PDE1B: variants seen among roughly 807,000 people sequenced by gnomAD.
PDE1B encodes phosphodiesterase 1B.
A neutral mutation model predicts 66.7 loss-of-function variants in PDE1B; 13 were observed. The observed-to-expected ratio is 0.19, with a 90% CI of 0.13 to 0.31. The LOEUF (loss-of-function observed/expected upper bound fraction) is 0.31. Ranked by LOEUF, PDE1B falls within the 10% of genes least tolerant of loss-of-function variation. The probability of loss-of-function intolerance (pLI) is 1.00; values close to 1 mark genes in which losing one functional copy is unlikely to be tolerated. For missense variants in PDE1B, 485 were observed against 682.3 expected, an observed-to-expected ratio of 0.71 and a Z score of 3.22; for synonymous variants, 230 against 253.9, an observed-to-expected ratio of 0.91 and a Z score of 0.90.
rs139771736 is a variant in PDE1B, at chr12:54,561,935, C to T, written c.114-5039C>T. Among the ~76,000 whole-genome samples, 120 of 152,234 alleles carry T rather than the reference C, an allele frequency of 7.9e-4. 2 individuals carry two copies. The highest frequency in any genetic ancestry group is 2.6e-3 in the African/African-American group (110 of 41,532). On this transcript the variant is annotated intron_variant, in intron 2 of 15. Transcript: ENST00000243052. The stretch of plus-strand genomic sequence containing the variant: ...CTTCCTTTTCTCTCCTTCCTGACTG[C>T]CAACATCCTTAGGACCTCACATTCC...
rs1957569870 is a variant in PDE1B, at chr12:54,569,012, T to C, written c.228-172T>C. ...CCTCACATGGAGACCTGTTTCATTATTGGAGATGTTAGATAAAGAAATAAA... is the reference window on the plus strand; with the variant it reads ...CCTCACATGGAGACCTGTTTCATTACTGGAGATGTTAGATAAAGAAATAAA... On this transcript the variant is annotated intron_variant, in intron 3 of 15. Coordinates refer to ENST00000243052, the MANE Select transcript of PDE1B (RefSeq NM_000924.4). The surrounding 1 kb of genome is among the most constrained non-coding windows in gnomAD (Gnocchi z 4.4). The C allele has an allele frequency of 2.7e-6, 3 of 1,110,592 alleles. No homozygotes were observed. The highest frequency in any genetic ancestry group is 2.2e-5 in the South Asian group (1 of 45,360). 68.8% of individuals were successfully genotyped at this position (1,110,592 alleles called of 1,614,324 possible).
chr12:54,562,984 A>G (rs944554266), intron 2 of PDE1B, among the ~76,000 whole-genome samples: 2 of 152,136 alleles, frequency 1.3e-5, no homozygotes, highest in Admixed American at 1.3e-4. Flanking sequence ...TCAACCTACA[A>G]CCTTACTCTT....
chr12:54,561,684 G>A, intron 2 of PDE1B: 2 of 1,360,436 alleles, frequency 1.5e-6, no homozygotes, highest in Middle Eastern at 1.8e-4. Context: ...GGAAAGGACA[G>A]GTTGCTCATG....
chr12:54,554,978 C>G lies in PDE1B; in HGVS notation c.113+4993C>G, dbSNP rs551120399. On this transcript the variant is annotated intron_variant, in intron 2 of 15. Coordinates refer to ENST00000243052, the MANE Select transcript of PDE1B (RefSeq NM_000924.4). ...TTCAAGAGGTAGGAATATGAATTACCTAATAGGTTTGAGCCGTGATTGAAG... is the reference window on the plus strand; with the variant it reads ...TTCAAGAGGTAGGAATATGAATTACGTAATAGGTTTGAGCCGTGATTGAAG... Among the ~76,000 whole-genome samples, 11 of 152,120 alleles carry G rather than the reference C, an allele frequency of 7.2e-5. No individual in the cohort carries two copies. The South Asian group carries it at 2.3e-3, about 32-fold the overall frequency.
chr12:54,571,212 T>C (rs1263321534), intron 6 of PDE1B: 1 of 152,170 alleles, frequency 6.6e-6, no homozygotes, highest in East Asian at 1.9e-4. Context: ...TAGAACAAAT[T>C]ATCTGTGCAT....
Position 54,573,563 on chromosome 12 carries a change from G to GC in PDE1B, c.963-44dup, listed in dbSNP as rs1450231211. The stretch of plus-strand genomic sequence containing the variant: ...TTCCACTTCCTGGACCTCCTGCCCA[G>GC]CAGCGCTGAGGGGACTGATTGCTTC... On this transcript the variant is annotated intron_variant, in intron 9 of 15. Transcript: ENST00000243052. The surrounding 1 kb of genome is among the most constrained non-coding windows in gnomAD (Gnocchi z 5.2). 6.2e-7 allele frequency: 1 copy of GC among 1,610,402 alleles called. No individual in the cohort carries two copies. Among genetic ancestry groups the GC allele is most frequent in the African/African-American group, 1.3e-5 (1 of 74,840 alleles).
chr12:54,574,852 G>T (rs983797623), intron 10 of PDE1B: 1 of 320,844 alleles, frequency 3.1e-6, no homozygotes. Flanking sequence ...ATGCACGCCT[G>T]TAGTCCCAGC....
At chr12:54,553,753 T>A (rs1296268893) in intron 2 of PDE1B, among the ~76,000 whole-genome samples, 1 of 151,572 alleles carries the variant, frequency 6.6e-6, no homozygotes, top group African/African-American at 2.4e-5. Flanking sequence ...TTTGAGAGGG[T>A]GATGCTTAAA....
In PDE1B at chr12:54,575,655, A is replaced by AG; in HGVS notation, c.1267+27dup. 1 of 1,518,666 alleles carries AG rather than the reference A, an allele frequency of 6.6e-7. No individual in the cohort carries two copies. The highest frequency in any genetic ancestry group is 9.1e-7 in the Non-Finnish European group (1 of 1,096,158). 94.1% of individuals were successfully genotyped at this position (1,518,666 alleles called of 1,614,324 possible). A position where few individuals can be genotyped will look rare whatever the true frequency, so the allele number is the denominator to read the frequency against. ...TAGGTGAGTGTCCTCTCCTGCAGGA[A>AG]GGGGAGGACTGGGAGGGGGAAAAGA... On this transcript the variant is annotated intron_variant, in intron 12 of 15. Transcript: ENST00000243052. The surrounding 1 kb of genome is among the most constrained non-coding windows in gnomAD (Gnocchi z 4.0).
rs760863278 is a variant in PDE1B at position 54,572,754 on chromosome 12, G to C, written c.735+13G>C. 4 of 1,612,788 alleles carry C rather than the reference G, an allele frequency of 2.5e-6. No homozygotes were observed. In the African/African-American group the frequency reaches 5.3e-5, roughly 22 times the overall value. ...CACAGGGATGGTGGTAGGTGCCCTG[G>C]AGATGATTCTTCTGTGATTCAGGGC... On this transcript the variant is annotated intron_variant, in intron 7 of 15. Coordinates refer to ENST00000243052, the MANE Select transcript of PDE1B (RefSeq NM_000924.4).
In PDE1B at chr12:54,569,048, G is replaced by A; in HGVS notation, c.228-136G>A. On this transcript the variant is annotated intron_variant, in intron 3 of 15. Transcript: ENST00000243052. This position sits in a 1 kb window ranked among gnomAD's most constrained non-coding sequence, Gnocchi z 4.4. The stretch of plus-strand genomic sequence containing the variant: ...AGATAAAGAAATAAAAAGATATAGA[G>A]AAAGAAAGGAAACAGGGTTGAAGAC... The A allele has an allele frequency of 7.1e-7, 1 of 1,414,742 alleles. No individual in the cohort carries two copies. The highest frequency in any genetic ancestry group is 9.4e-7 in the Non-Finnish European group (1 of 1,063,900). 87.6% of individuals were successfully genotyped at this position (1,414,742 alleles called of 1,614,324 possible).
In PDE1B at chr12:54,578,187, T is replaced by A. The variant is rs529144573; in HGVS notation, c.*345T>A. The A allele has an allele frequency of 1.3e-5, 2 of 152,428 alleles. No homozygotes were observed. Among genetic ancestry groups the A allele is most frequent in the South Asian group, 4.1e-4 (2 of 4,836 alleles). 9.4% of individuals were successfully genotyped at this position (152,428 alleles called of 1,614,324 possible). ...CAGGGCCTTGGGGAAGGGTCAGAGA[T>A]GCCAGCCCCCTGGGACCTCCCCCAT... On this transcript the variant is annotated 3_prime_UTR_variant, in exon 16 of 16. Transcript: ENST00000243052.
intron 6 of PDE1B, chr12:54,572,271 T>C (rs926191801): frequency 9.8e-6 from 2 of 204,714 alleles, no homozygotes; most frequent in Non-Finnish European, 2.0e-5. Context: ...TCATTTTCTT[T>C]GAAATCTCCA....
At position 54,569,076 on chromosome 12, in the gene PDE1B, A is replaced by G; in HGVS notation, c.228-108A>G. 1 of 1,466,130 alleles carries G rather than the reference A, an allele frequency of 6.8e-7. No individual in the cohort carries two copies. Among genetic ancestry groups the G allele is most frequent in the Non-Finnish European group, 9.0e-7 (1 of 1,107,596 alleles). 90.8% of individuals were successfully genotyped at this position (1,466,130 alleles called of 1,614,324 possible). On this transcript the variant is annotated intron_variant, in intron 3 of 15. Transcript: ENST00000243052. The surrounding 1 kb of genome is among the most constrained non-coding windows in gnomAD (Gnocchi z 4.4). ...AGAAAGGAAACAGGGTTGAAGACAG[A>G]GAGCTGGCATGAGAGTTACTAAATG...
chr12:54,562,555 A>ATGGGTTTGG (rs1957436734), intron 2 of PDE1B, among the ~76,000 whole-genome samples: 3 of 152,184 alleles, frequency 2.0e-5, no homozygotes, highest in Admixed American at 6.5e-5. Flanking sequence ...TTGATGGCTG[A>ATGGGTTTGG]AACAGAGGGT....
intron 2 of PDE1B, among the ~76,000 whole-genome samples, chr12:54,551,180 A>G (rs1957272762): frequency 6.6e-6 from 1 of 152,194 alleles, no homozygotes; most frequent in Non-Finnish European, 1.5e-5. Flanking sequence ...GGATGGATAG[A>G]TGCTTATGTT....
At position 54,576,035 on chromosome 12, in the gene PDE1B, T is replaced by C; in HGVS notation, c.1311T>C (p.Thr437=). The stretch of plus-strand genomic sequence containing the variant: ...TGGAGCCCACATTCTCTGTGCTGAC[T>C]GACGTGGCAGAGAAGAGTGTTCAGC... The part of the protein sequence containing the change: ...FIVEPTFSVL[T]DVAEKSVQPL... The change falls in exon 13 of 16, where the codon ACT becomes ACC. Residue 437 remains threonine (T), a synonymous_variant. Transcript: ENST00000243052. The C allele has an allele frequency of 6.2e-7, 1 of 1,614,146 alleles. No individual in the cohort carries two copies. The highest frequency in any genetic ancestry group is 8.5e-7 in the Non-Finnish European group (1 of 1,179,940).
At position 54,569,502 on chromosome 12, in the gene PDE1B, C is replaced by T. The variant is rs983025132; in HGVS notation, c.411-44C>T. On this transcript the variant is annotated intron_variant, in intron 4 of 15. Coordinates refer to ENST00000243052, the MANE Select transcript of PDE1B (RefSeq NM_000924.4). The surrounding 1 kb of genome is among the most constrained non-coding windows in gnomAD (Gnocchi z 4.4). ...ATCCCCAGCTGGCCACACCTCCACT[C>T]CCAGACCTTCATATGTGGGCTTCTT... 1.9e-6 allele frequency: 3 copies of T among 1,594,546 alleles called. No homozygotes were observed. The African/African-American group carries it at 4.0e-5, about 21-fold the overall frequency.
chr12:54,573,510 A>G lies in PDE1B; in HGVS notation c.962+30A>G. The G allele has an allele frequency of 1.2e-6, 2 of 1,613,938 alleles. No individual in the cohort carries two copies. Among genetic ancestry groups the G allele is most frequent in the Non-Finnish European group, 1.7e-6 (2 of 1,179,806 alleles). On this transcript the variant is annotated intron_variant, in intron 9 of 15. Coordinates refer to ENST00000243052, the MANE Select transcript of PDE1B (RefSeq NM_000924.4). The surrounding 1 kb of genome is among the most constrained non-coding windows in gnomAD (Gnocchi z 5.2). ...GCAGAAGCCAGTACTTGGCATCCCT[A>G]AGAGACTCCCTTACCACAAACTCCA...
Sources: allele counts gnomAD v4.1 joint callset (sites outside exome capture counted in the v4.1 genomes callset), GRCh38; gene constraint gnomAD v4.1.1; non-coding constraint Gnocchi (gnomAD v3.1); transcripts MANE v1.5; gene names NCBI Gene and HGNC (gene_info 2026-07-23, HGNC 2026-07-21).